CD99: variants seen among roughly 807,000 people sequenced by gnomAD.
CD99 encodes the protein CD99 molecule (Xg blood group), also known as CD99 antigen.
In CD99, 19 loss-of-function variants were observed where a neutral mutation model predicts 28.4. The observed-to-expected ratio is 0.67, with a 90% CI of 0.47 to 0.98. CD99 has a LOEUF of 0.98. Ranked by LOEUF, CD99 falls within the 50% of genes least tolerant of loss-of-function variation. The pLI, the probability that CD99 is intolerant of heterozygous loss-of-function variation, is 0.00. For synonymous variants in CD99, 103 were observed against 92.1 expected (o/e 1.12, Z -0.67); for missense variants, 283 against 248.8 (o/e 1.14, Z -0.92).
intron 3 of CD99, among the ~76,000 whole-genome samples, chrX:2,718,257 G>A (rs2124048508): frequency 6.6e-6 from 1 of 151,944 alleles, no homozygotes; most frequent in South Asian, 2.1e-4. Context: ...AACTTCCTAG[G>A]AGAGAGAGCA....
intron 9 of CD99, 46 bp downstream of exon 9, chrX:2,738,302 C>T: frequency 1.3e-6 from 2 of 1,571,104 alleles, no homozygotes; most frequent in Non-Finnish European, 1.8e-6. Context: ...GCCAGTGTTC[C>T]CATTTTATCT....
At chrX:2,740,148 G>C (rs2050134242) in intron 9 of CD99, among the ~76,000 whole-genome samples, 1 of 151,944 alleles carries the variant, frequency 6.6e-6, no homozygotes, top group Non-Finnish European at 1.5e-5. Flanking sequence ...CTGCTCTTTC[G>C]AGTCAGGGAA....
Position 2,691,316 on chromosome X carries a change from C to T in CD99, c.-45C>T. 6 of 1,490,464 alleles carry T rather than the reference C, an allele frequency of 4.0e-6. No homozygotes were observed. Among genetic ancestry groups the T allele is most frequent in the South Asian group, 1.2e-5 (1 of 80,140 alleles). The allele number at this position is 1,490,464 out of a possible 1,614,324, so 92.3% of individuals were successfully genotyped here. A position where few individuals can be genotyped will look rare whatever the true frequency, so the allele number is the denominator to read the frequency against. ...GAGTATCTGTCCTGCCGCCTTCGCC[C>T]ACGCCCTGCACTCCGGGACCGTCCC... On this transcript the variant is annotated 5_prime_UTR_variant, in exon 1 of 10. Coordinates refer to ENST00000381192, the MANE Select transcript of CD99 (RefSeq NM_002414.5).
At chrX:2,718,064 C>G (rs2048819648) in intron 3 of CD99, 1 of 178,934 alleles carries the variant, frequency 5.6e-6, no homozygotes, top group Non-Finnish European at 1.2e-5. Flanking sequence ...CCTCAGATGC[C>G]TCAGTAGCTG....
At chrX:2,737,769 T>G (rs1184557935) in intron 8 of CD99, 22 of 337,296 alleles carry the variant, frequency 6.5e-5, no homozygotes, top group South Asian at 5.0e-4. Flanking sequence ...GTGCTGGGAT[T>G]ACAGGCGTGA....
At chrX:2,698,130 C>G (rs1199468697) in intron 1 of CD99, among the ~76,000 whole-genome samples, 1 of 151,446 alleles carries the variant, frequency 6.6e-6, no homozygotes, top group African/African-American at 2.4e-5. Flanking sequence ...AGACACTCAT[C>G]ATATCATAAA....
chrX:2,700,649 A>G (rs1481582138), intron 1 of CD99, among the ~76,000 whole-genome samples: 6 of 148,626 alleles, frequency 4.0e-5, no homozygotes, highest in African/African-American at 1.2e-4. Context: ...TTCTCCATTC[A>G]TCTTTCCATC....
At position 2,726,495 on chromosome X, in the gene CD99, C is replaced by T. The variant is rs757870873; in HGVS notation, c.475+122C>T. The T allele has an allele frequency of 2.6e-5, 19 of 727,150 alleles. No individual in the cohort carries two copies. The East Asian group carries it at 4.1e-4, about 16-fold the overall frequency. The allele number at this position is 727,150 out of a possible 1,614,324, so 45.0% of individuals were successfully genotyped here. On this transcript the variant is annotated intron_variant, in intron 8 of 9. Transcript: ENST00000381192. ...AACAGGTGCACGATGGCTGATGGTT[C>T]GTGAAACTGCTAAAATTCTGGAATC...
intron 1 of CD99, among the ~76,000 whole-genome samples, chrX:2,702,333 C>T (rs2047899353): frequency 6.6e-6 from 1 of 151,888 alleles, no homozygotes; most frequent in African/African-American, 2.4e-5. Flanking sequence ...CCCTACCCCA[C>T]CCCCAGGATG....
chrX:2,692,990 A>G (rs1034217300), intron 1 of CD99, among the ~76,000 whole-genome samples: 3 of 152,128 alleles, frequency 2.0e-5, no homozygotes, highest in Admixed American at 6.5e-5. Flanking sequence ...CCAGTGGTAA[A>G]TCTTGGTGAG....
At chrX:2,694,887 T>C (rs1242058460) in intron 1 of CD99, among the ~76,000 whole-genome samples, 2 of 152,226 alleles carry the variant, frequency 1.3e-5, no homozygotes, top group Non-Finnish European at 2.9e-5. Context: ...CTGGAAATCA[T>C]TTTTCTTCCT....
At chrX:2,708,037 ATT>A (rs2048204824) in intron 1 of CD99, among the ~76,000 whole-genome samples, 1 of 152,158 alleles carries the variant, frequency 6.6e-6, no homozygotes, top group African/African-American at 2.4e-5. Flanking sequence ...ACTGATGATC[ATT>A]GATTGGGTTT....
chrX:2,692,435 T>C (rs1449171133), intron 1 of CD99, among the ~76,000 whole-genome samples: 1 of 152,140 alleles, frequency 6.6e-6, no homozygotes. Context: ...GTTGATAGGA[T>C]CTAGCTCAGC....
At chrX:2,692,455 C>A (rs956951588) in intron 1 of CD99, among the ~76,000 whole-genome samples, 2 of 152,136 alleles carry the variant, frequency 1.3e-5, no homozygotes, top group East Asian at 3.9e-4. Flanking sequence ...CCTAGAGCTG[C>A]GGTGACTAGG....
Position 2,691,490 on chromosome X carries a change from G to A in CD99, c.67+63G>A, listed in dbSNP as rs1283273145. 6 of 1,509,176 alleles carry A rather than the reference G, an allele frequency of 4.0e-6. No homozygotes were observed. The Admixed American group carries it at 1.2e-4, about 29-fold the overall frequency. The allele number at this position is 1,509,176 out of a possible 1,614,324, so 93.5% of individuals were successfully genotyped here. On this transcript the variant is annotated intron_variant, in intron 1 of 9. Coordinates refer to ENST00000381192, the MANE Select transcript of CD99 (RefSeq NM_002414.5). Reference sequence around the variant, plus strand: ...GGGCGCGGGCCGGGACTGGGGATCCGCTTGAGATGCGGCGTTGGGGGCGCC... The same window carrying A: ...GGGCGCGGGCCGGGACTGGGGATCCACTTGAGATGCGGCGTTGGGGGCGCC...
At chrX:2,739,934 A>AG in intron 9 of CD99, among the ~76,000 whole-genome samples, 1 of 150,390 alleles carries the variant, frequency 6.6e-6, no homozygotes, top group African/African-American at 2.4e-5. Context: ...AAAAAAAAAA[A>AG]AAAAAAAATT....
At chrX:2,700,135 T>C (rs2047776851) in intron 1 of CD99, among the ~76,000 whole-genome samples, 1 of 152,162 alleles carries the variant, frequency 6.6e-6, no homozygotes, top group Admixed American at 6.5e-5. Flanking sequence ...GTGTGTGGGC[T>C]GAACAGAGCT....
intron 8 of CD99, among the ~76,000 whole-genome samples, chrX:2,728,490 C>G (rs1046196231): frequency 6.6e-6 from 1 of 151,996 alleles, no homozygotes; most frequent in Non-Finnish European, 1.5e-5. Flanking sequence ...GCCACCGTGC[C>G]CAGCTGGTGT....
rs779363374 is a variant in CD99 at position 2,691,337 on chromosome X, G to A, written c.-24G>A. On this transcript the variant is annotated 5_prime_UTR_variant, in exon 1 of 10. Coordinates refer to ENST00000381192, the MANE Select transcript of CD99 (RefSeq NM_002414.5). ...CGCCCACGCCCTGCACTCCGGGACCGTCCCTGCGCGCTCTGGGCGCACCAT... is the reference window on the plus strand; with the variant it reads ...CGCCCACGCCCTGCACTCCGGGACCATCCCTGCGCGCTCTGGGCGCACCAT... The A allele has an allele frequency of 3.2e-6, 5 of 1,544,014 alleles. No homozygotes were observed. The highest frequency in any genetic ancestry group is 4.3e-6 in the Non-Finnish European group (5 of 1,155,028).
Sources: gnomAD v4.1 joint callset for allele counts (sites outside exome capture counted in the v4.1 genomes callset) on GRCh38, gnomAD v4.1.1 for gene constraint, MANE v1.5 for transcripts, NCBI Gene and HGNC (gene_info 2026-07-23, HGNC 2026-07-21) for gene names.